R3HDM1: variants seen among roughly 807,000 people sequenced by gnomAD.
R3HDM1 encodes the protein R3H domain-containing protein 1.
Under a neutral mutation model 141.1 loss-of-function variants are expected in R3HDM1, and 46 were observed. The ratio of observed to expected loss-of-function variants is 0.33; its 90% CI spans 0.26 to 0.42. The LOEUF (loss-of-function observed/expected upper bound fraction) is 0.42, where lower values mean the gene tolerates loss of function less well. Among genes scored for constraint, R3HDM1 ranks in the 10% least tolerant of loss-of-function variants. The probability of loss-of-function intolerance (pLI) is 1.00; values close to 1 mark genes in which losing one functional copy is unlikely to be tolerated. For synonymous variants in R3HDM1, 435 were observed against 472.9 expected (o/e 0.92, Z 1.04); for missense variants, 1,184 against 1,368.3 (o/e 0.87, Z 2.12).
chr2:135,546,178 T>C (rs1405613812), intron 1 of R3HDM1, among the ~76,000 whole-genome samples: 1 of 152,242 alleles, frequency 6.6e-6, no homozygotes, highest in Non-Finnish European at 1.5e-5. Flanking sequence ...TTTCTTTGTT[T>C]CAGGGTCTGA....
At chr2:135,574,771 A>G (rs1413901172) in intron 1 of R3HDM1, among the ~76,000 whole-genome samples, 3 of 152,234 alleles carry the variant, frequency 2.0e-5, no homozygotes, top group Non-Finnish European at 4.4e-5. Flanking sequence ...CCATTTTGTG[A>G]TATTTCTCTC....
Position 135,651,729 on chromosome 2 carries a change from G to A in R3HDM1, c.1726-1G>A. Reference sequence around the variant, plus strand: ...TAATTTTTGACTTCTTCCTTTTTTAGCAGGATAACCTAGGGTCTCAGTTTA... The same window carrying A: ...TAATTTTTGACTTCTTCCTTTTTTAACAGGATAACCTAGGGTCTCAGTTTA... On this transcript the variant is annotated splice_acceptor_variant, in intron 17 of 26. Coordinates refer to ENST00000683871, the MANE Select transcript of R3HDM1 (RefSeq NM_001378107.1). LOFTEE classifies it high-confidence loss of function. 2 of 1,587,976 alleles carry A rather than the reference G, an allele frequency of 1.3e-6. No individual in the cohort carries two copies. Among genetic ancestry groups the A allele is most frequent in the Non-Finnish European group, 1.7e-6 (2 of 1,163,376 alleles).
At chr2:135,547,061 G>A (rs1233288815) in intron 1 of R3HDM1, among the ~76,000 whole-genome samples, 1 of 152,058 alleles carries the variant, frequency 6.6e-6, no homozygotes, top group African/African-American at 2.4e-5. Flanking sequence ...GATTGGTTTT[G>A]TCTCGAGTAA....
At chr2:135,588,028 A>G (rs1708331639) in intron 1 of R3HDM1, among the ~76,000 whole-genome samples, 1 of 150,350 alleles carries the variant, frequency 6.7e-6, no homozygotes, top group African/African-American at 2.5e-5. Context: ...GACTAAATCT[A>G]TCTTAATCTC....
chr2:135,565,326 ATT>A (rs1702527766), intron 1 of R3HDM1, among the ~76,000 whole-genome samples: 4 of 88,218 alleles, frequency 4.5e-5, no homozygotes, highest in African/African-American at 4.1e-4. Context: ...AAAAAAAATT[ATT>A]ATTATTATTA....
At chr2:135,588,843 G>C (rs761269492) in intron 1 of R3HDM1, among the ~76,000 whole-genome samples, 1 of 152,048 alleles carries the variant, frequency 6.6e-6, no homozygotes, top group Non-Finnish European at 1.5e-5. Context: ...TTTAAAACTT[G>C]TATTGACTTT....
At chr2:135,690,371 ATG>A (rs2072143215) in intron 21 of R3HDM1, among the ~76,000 whole-genome samples, 1 of 152,222 alleles carries the variant, frequency 6.6e-6, no homozygotes, top group Non-Finnish European at 1.5e-5. Context: ...GAGAAATAAA[ATG>A]TAATAAATAA....
rs1461250025 is a variant in R3HDM1, at chr2:135,537,175, A to T, written c.-250+5542A>T. 7.3e-3 allele frequency among the ~76,000 whole-genome samples: 887 copies of T among 121,520 alleles called. 4 individuals carry two copies. Among genetic ancestry groups the T allele is most frequent in the Middle Eastern group, 0.04 (10 of 252 alleles). The allele number at this position is 121,520 out of a possible 152,430, so 79.7% of individuals were successfully genotyped here. On this transcript the variant is annotated intron_variant, in intron 1 of 26. Coordinates refer to ENST00000683871, the MANE Select transcript of R3HDM1 (RefSeq NM_001378107.1). ...AGTGGGGAGAGAAGCTCTGGAATTT[A>T]AAAAAAAAAAAAAAAAAAGTCTTAC...
chr2:135,655,480 CTTTTTT>C (rs917886251), intron 18 of R3HDM1, among the ~76,000 whole-genome samples: 1 of 150,970 alleles, frequency 6.6e-6, no homozygotes, highest in Non-Finnish European at 1.5e-5. Flanking sequence ...TTTTCTTTTT[CTTTTTT>C]TTGTTTTTGT....
intron 21 of R3HDM1, among the ~76,000 whole-genome samples, chr2:135,697,594 A>G (rs905724072): frequency 6.6e-6 from 1 of 152,254 alleles, no homozygotes. Flanking sequence ...AAGTACAACT[A>G]CTTGTATCCA....
At chr2:135,539,940 C>T (rs1697104177) in intron 1 of R3HDM1, among the ~76,000 whole-genome samples, 1 of 152,154 alleles carries the variant, frequency 6.6e-6, no homozygotes, top group Non-Finnish European at 1.5e-5. Context: ...ATGGACACTT[C>T]CTTTCATGGA....
chr2:135,678,629 T>C (rs2069630177), intron 20 of R3HDM1, among the ~76,000 whole-genome samples: 1 of 151,838 alleles, frequency 6.6e-6, no homozygotes, highest in African/African-American at 2.4e-5. Context: ...AATGAGATAA[T>C]ACACATAAAG....
At chr2:135,536,599 G>A (rs1220770163) in intron 1 of R3HDM1, 1 of 895,494 alleles carries the variant, frequency 1.1e-6, no homozygotes, top group Admixed American at 6.2e-5. Context: ...ATTCTCGAGA[G>A]GGAATAACTT....
chr2:135,640,054 A>T (rs1214057411), intron 14 of R3HDM1, among the ~76,000 whole-genome samples: 1 of 151,640 alleles, frequency 6.6e-6, no homozygotes, highest in Non-Finnish European at 1.5e-5. Flanking sequence ...AGCCGAGATC[A>T]TACCACTGCA....
At chr2:135,641,991 A>T (rs1443436020) in intron 15 of R3HDM1, among the ~76,000 whole-genome samples, 8 of 152,196 alleles carry the variant, frequency 5.3e-5, no homozygotes, top group Admixed American at 5.2e-4. Context: ...CCCCTTGTAC[A>T]TCTGTGATAT....
intron 1 of R3HDM1, among the ~76,000 whole-genome samples, chr2:135,541,399 G>A (rs1288330990): frequency 1.6e-4 from 25 of 152,102 alleles, no homozygotes; most frequent in African/African-American, 5.5e-4. Context: ...TAGTAGAGAC[G>A]AGGTTTCACC....
At chr2:135,687,487 C>T (rs2071558682) in intron 21 of R3HDM1, among the ~76,000 whole-genome samples, 1 of 152,202 alleles carries the variant, frequency 6.6e-6, no homozygotes, top group Non-Finnish European at 1.5e-5. Flanking sequence ...TAATAGTTCA[C>T]ATGTCTTTAG....
chr2:135,687,930 T>G (rs1453488368), intron 21 of R3HDM1, among the ~76,000 whole-genome samples: 1 of 152,236 alleles, frequency 6.6e-6, no homozygotes, highest in African/African-American at 2.4e-5. Flanking sequence ...AGATTCTCAG[T>G]ATTTGTAGAC....
chr2:135,630,036 G>A (rs1487681337), intron 7 of R3HDM1, among the ~76,000 whole-genome samples: 2 of 150,082 alleles, frequency 1.3e-5, no homozygotes, highest in African/African-American at 4.9e-5. Flanking sequence ...CTGTATTGGA[G>A]CATTTGAAAA....
Sources: allele counts gnomAD v4.1 joint callset (sites outside exome capture counted in the v4.1 genomes callset), GRCh38; gene constraint gnomAD v4.1.1; transcripts MANE v1.5; gene names NCBI Gene and HGNC (gene_info 2026-07-23, HGNC 2026-07-21).